Variants in OPCML observed in about 807,000 individuals in gnomAD.
OPCML encodes the protein opioid binding protein/cell adhesion molecule like, also known as opioid-binding protein/cell adhesion molecule.
OPCML carries 13 observed loss-of-function variants against 37.8 expected under a neutral mutation model. That is an observed-to-expected ratio of 0.34 (90% confidence interval 0.22 to 0.55). The LOEUF (loss-of-function observed/expected upper bound fraction) is 0.55, where lower values mean the gene tolerates loss of function less well. Ranked by LOEUF, OPCML falls within the 20% of genes least tolerant of loss-of-function variation. The probability of loss-of-function intolerance (pLI) is 0.91; values close to 1 mark genes in which losing one functional copy is unlikely to be tolerated. For missense variants in OPCML, 341 were observed against 435.6 expected, an observed-to-expected ratio of 0.78 and a Z score of 1.93; for synonymous variants, 176 against 168.8, an observed-to-expected ratio of 1.04 and a Z score of -0.33.
chr11:133,042,686 C>T (rs1016607935), intron 1 of OPCML, among the ~76,000 whole-genome samples: 2 of 152,286 alleles, frequency 1.3e-5, no homozygotes, highest in South Asian at 4.2e-4. Context: ...TCTGCAGTTA[C>T]GTTCTTCCAG....
chr11:132,549,372 T>G (rs1591536486), intron 3 of OPCML, among the ~76,000 whole-genome samples: 1 of 152,232 alleles, frequency 6.6e-6, no homozygotes, highest in Non-Finnish European at 1.5e-5. Context: ...AGAAAACTCA[T>G]GAATAATCCA....
rs1187092353 is a variant in OPCML at position 133,057,631 on chromosome 11, ACTGGTCTG to A, written c.62-114629_62-114622del. Among the ~76,000 whole-genome samples, 3 of 152,134 alleles carry A rather than the reference ACTGGTCTG, an allele frequency of 2.0e-5. No homozygotes were observed. The East Asian group carries it at 5.8e-4, about 29-fold the overall frequency. On this transcript the variant is annotated intron_variant, in intron 1 of 7. Transcript: ENST00000524381. ...CTATAGCCTGCCCCTGTCCCTAGCA[ACTGGTCTG>A]CTATTTGCCCTTTTTTCAAAGGACA... is the stretch of plus-strand genomic sequence containing the variant.
intron 1 of OPCML, among the ~76,000 whole-genome samples, chr11:133,260,085 TGACCCCCAAAATATAGTAG>T (rs1255459073): frequency 1.3e-5 from 2 of 151,552 alleles, no homozygotes; most frequent in African/African-American, 4.8e-5. Flanking sequence ...GGATCAGCAA[TGACCCCCAAAATATAGTAG>T]TGAGTCCTGT....
rs1386569004 is a variant in OPCML at position 132,890,874 on chromosome 11, G to GA, written c.146+52051dup. ...TCCATCTCAAAAAAAAAAAAAAAAA[G>GA]AAAAAAAAAGAAAAGAAAAATGACC... On this transcript the variant is annotated intron_variant, in intron 2 of 7. Transcript: ENST00000524381. Among the ~76,000 whole-genome samples, 919 of 134,220 alleles carry GA rather than the reference G, an allele frequency of 6.8e-3. 10 individuals are homozygous for GA. The highest frequency in any genetic ancestry group is 0.023 in the African/African-American group (844 of 36,254). 88.1% of individuals were successfully genotyped at this position (134,220 alleles called of 152,430 possible). A position where few individuals can be genotyped will look rare whatever the true frequency, so the allele number is the denominator to read the frequency against.
At chr11:132,592,589 G>T (rs188394408) in intron 3 of OPCML, among the ~76,000 whole-genome samples, 2 of 152,332 alleles carry the variant, frequency 1.3e-5, no homozygotes, top group African/African-American at 2.4e-5. Context: ...TCCAGTGAGT[G>T]AGCATGCCCA....
At chr11:132,479,758 G>A (rs1041190696) in intron 4 of OPCML, among the ~76,000 whole-genome samples, 4 of 152,302 alleles carry the variant, frequency 2.6e-5, no homozygotes, top group East Asian at 1.9e-4. Context: ...CCCCCCAGCA[G>A]GGGCAGACTG....
chr11:132,986,633 T>C lies in OPCML; in HGVS notation c.62-43623A>G, dbSNP rs74894993. 8.1e-3 allele frequency among the ~76,000 whole-genome samples: 1,234 copies of C among 152,250 alleles called. 13 individuals are homozygous for C. Among genetic ancestry groups the C allele is most frequent in the African/African-American group, 0.027 (1,108 of 41,544 alleles). The stretch of plus-strand genomic sequence containing the variant: ...GAACAAATAAATAATTTGGAAATAA[T>C]TGGAAAAAATATAGAAAGTTAAGCT... On this transcript the variant is annotated intron_variant, in intron 1 of 7. Transcript: ENST00000524381.
chr11:132,479,096 G>T (rs2096168233), intron 4 of OPCML, among the ~76,000 whole-genome samples: 1 of 152,158 alleles, frequency 6.6e-6, no homozygotes, highest in Non-Finnish European at 1.5e-5. Flanking sequence ...CAGAAGACGG[G>T]TGATTTCTGC....
At chr11:132,478,633 T>C (rs1037012252) in intron 4 of OPCML, among the ~76,000 whole-genome samples, 4 of 152,240 alleles carry the variant, frequency 2.6e-5, no homozygotes, top group African/African-American at 9.6e-5. Flanking sequence ...GTGAATCCTT[T>C]CCACTTACCA....
intron 1 of OPCML, among the ~76,000 whole-genome samples, chr11:133,507,719 C>T (rs575175363): frequency 7.2e-5 from 11 of 152,076 alleles, no homozygotes; most frequent in South Asian, 4.2e-4. Flanking sequence ...CCGAGGCGGG[C>T]GGACCACCTG....
intron 1 of OPCML, among the ~76,000 whole-genome samples, chr11:133,057,198 C>T (rs1001887471): frequency 2.6e-5 from 4 of 152,122 alleles, no homozygotes; most frequent in African/African-American, 9.7e-5. Context: ...GGGTTCTGTT[C>T]CTTAGATGTA....
intron 1 of OPCML, among the ~76,000 whole-genome samples, chr11:132,959,330 A>T (rs1946037623): frequency 2.0e-5 from 3 of 152,348 alleles, no homozygotes; most frequent in African/African-American, 7.2e-5. Context: ...TTGGATGAGC[A>T]AAGGAAGTGG....
chr11:132,479,150 G>A (rs993613556), intron 4 of OPCML, among the ~76,000 whole-genome samples: 2 of 152,162 alleles, frequency 1.3e-5, no homozygotes, highest in African/African-American at 4.8e-5. Context: ...GGGAGTGCCA[G>A]ACAGTGGGCT....
intron 1 of OPCML, among the ~76,000 whole-genome samples, chr11:133,069,110 G>C (rs1541882): frequency 6.6e-6 from 1 of 152,156 alleles, no homozygotes; most frequent in Non-Finnish European, 1.5e-5. Flanking sequence ...TAAAAAGAAC[G>C]CTTGAATTTT....
At chr11:132,576,589 G>A (rs971444136) in intron 3 of OPCML, among the ~76,000 whole-genome samples, 1 of 151,914 alleles carries the variant, frequency 6.6e-6, no homozygotes, top group African/African-American at 2.4e-5. Flanking sequence ...TCTCTCTTAG[G>A]TAAATTATGT....
At chr11:133,479,892 G>C (rs1000518121) in intron 1 of OPCML, among the ~76,000 whole-genome samples, 2 of 152,186 alleles carry the variant, frequency 1.3e-5, no homozygotes, top group Non-Finnish European at 2.9e-5. Flanking sequence ...CCTGGCCTTC[G>C]AAGAGCACTG....
intron 2 of OPCML, among the ~76,000 whole-genome samples, chr11:132,921,865 T>C (rs1455640600): frequency 6.6e-6 from 1 of 152,072 alleles, no homozygotes; most frequent in Non-Finnish European, 1.5e-5. Flanking sequence ...GGCCCTCCAT[T>C]GAGTGAGACT....
intron 4 of OPCML, among the ~76,000 whole-genome samples, chr11:132,443,674 A>G (rs1269270311): frequency 6.6e-6 from 1 of 152,184 alleles, no homozygotes; most frequent in African/African-American, 2.4e-5. Flanking sequence ...CCATGTTTGT[A>G]AATATCTGCT....
intron 3 of OPCML, among the ~76,000 whole-genome samples, chr11:132,555,900 T>A (rs1410070798): frequency 6.6e-6 from 1 of 152,126 alleles, no homozygotes; most frequent in Non-Finnish European, 1.5e-5. Context: ...ATAAAGAACT[T>A]CAAAGGATTA....
Sources: gnomAD v4.1 joint callset for allele counts (sites outside exome capture counted in the v4.1 genomes callset) on GRCh38, gnomAD v4.1.1 for gene constraint, MANE v1.5 for transcripts, NCBI Gene and HGNC (gene_info 2026-07-23, HGNC 2026-07-21) for gene names.